NAB1: variants seen among roughly 807,000 people sequenced by gnomAD.
NAB1 encodes NGFI-A binding protein 1.
A neutral mutation model predicts 49.9 loss-of-function variants in NAB1; 25 were observed. The ratio of observed to expected loss-of-function variants is 0.50; its 90% confidence interval spans 0.37 to 0.70. The LOEUF is 0.70. NAB1 is among the 30% of genes least tolerant of loss of function. The probability of loss-of-function intolerance (pLI) is 0.00; values close to 1 mark genes in which losing one functional copy is unlikely to be tolerated. For synonymous variants in NAB1, 198 were observed against 215.6 expected (o/e 0.92, Z 0.71); for missense variants, 489 against 575.9 (o/e 0.85, Z 1.54).
Position 190,679,944 on chromosome 2 carries a change from T to A in NAB1, c.1006-3794T>A, listed in dbSNP as rs1695250963. Among the ~76,000 whole-genome samples, 1 of 152,146 alleles carries A rather than the reference T, an allele frequency of 6.6e-6. No individual in the cohort carries two copies. Among genetic ancestry groups the A allele is most frequent in the Admixed American group, 6.5e-5 (1 of 15,278 alleles). ...CCTGGCTTATCTACACACGGAGGTC[T>A]CACTAGCAAATGAGCTCAACCGAAT... On this transcript the variant is annotated intron_variant, in intron 6 of 9. Coordinates refer to ENST00000337386, the MANE Select transcript of NAB1 (RefSeq NM_005966.4). The surrounding 1 kb of genome is among the most constrained non-coding windows in gnomAD (Gnocchi z 5.3).
In NAB1 at chr2:190,690,351, G is replaced by A. The variant is rs373333568; in HGVS notation, c.*18G>A. 219 of 1,560,238 alleles carry A rather than the reference G, an allele frequency of 1.4e-4. No individual in the cohort carries two copies. The highest frequency in any genetic ancestry group is 1.1e-3 in the South Asian group (101 of 89,872). On this transcript the variant is annotated 3_prime_UTR_variant, in exon 10 of 10. Coordinates refer to ENST00000337386, the MANE Select transcript of NAB1 (RefSeq NM_005966.4). ...CAAGATAGCTGTGATTTCTCTCACCGTTCTCTGGAAATGGCATCAGATTTA... is the reference window on the plus strand; with the variant it reads ...CAAGATAGCTGTGATTTCTCTCACCATTCTCTGGAAATGGCATCAGATTTA...
At chr2:190,662,801 T>C (rs1186576189) in intron 4 of NAB1, among the ~76,000 whole-genome samples, 1 of 152,112 alleles carries the variant, frequency 6.6e-6, no homozygotes, top group Non-Finnish European at 1.5e-5. Context: ...CAAAGAGCTC[T>C]AGAAAGATAG....
intron 4 of NAB1, among the ~76,000 whole-genome samples, chr2:190,664,902 A>G (rs1057091386): frequency 6.6e-6 from 1 of 151,942 alleles, no homozygotes; most frequent in Non-Finnish European, 1.5e-5. Context: ...TATGACTAAT[A>G]TTTTGGATTT....
At position 190,689,028 on chromosome 2, in the gene NAB1, C is replaced by T. The variant is rs1438292558; in HGVS notation, c.1376-1217C>T. On this transcript the variant is annotated intron_variant, in intron 9 of 9. Coordinates refer to ENST00000337386, the MANE Select transcript of NAB1 (RefSeq NM_005966.4). The surrounding 1 kb of genome is among the most constrained non-coding windows in gnomAD (Gnocchi z 4.3). ...TAATTTTTTGTATTTTTAGTAGAGA[C>T]GGGGTTTTACCGTGGTCTCAATCTC... Among the ~76,000 whole-genome samples the T allele has an allele frequency of 2.6e-5, 4 of 151,970 alleles. No individual in the cohort carries two copies. The highest frequency in any genetic ancestry group is 7.3e-5 in the African/African-American group (3 of 41,354).
chr2:190,661,735 A>G (rs554107987), intron 4 of NAB1, among the ~76,000 whole-genome samples: 4 of 152,328 alleles, frequency 2.6e-5, no homozygotes, highest in Non-Finnish European at 5.9e-5. Flanking sequence ...GAATGCCAGT[A>G]GGCTGAAATG....
rs1242662310 is a variant in NAB1 at position 190,649,259 on chromosome 2, C to T, written c.-435C>T. On this transcript the variant is annotated 5_prime_UTR_variant, in exon 1 of 10. Coordinates refer to ENST00000337386, the MANE Select transcript of NAB1 (RefSeq NM_005966.4). This position sits in a 1 kb window ranked among gnomAD's most constrained non-coding sequence, Gnocchi z 6.1. ...GATGGGAGCGGGGGCGTCCCGGCTCCTGCAGCCGCCAGAGGAGGGAGAGCC... is the reference window on the plus strand; with the variant it reads ...GATGGGAGCGGGGGCGTCCCGGCTCTTGCAGCCGCCAGAGGAGGGAGAGCC... 6.6e-6 allele frequency: 1 copy of T among 152,022 alleles called. No homozygotes were observed. The highest frequency in any genetic ancestry group is 2.4e-5 in the African/African-American group (1 of 41,406). 9.4% of individuals were successfully genotyped at this position (152,022 alleles called of 1,614,324 possible).
chr2:190,685,124 G>A lies in NAB1; in HGVS notation c.1096-352G>A, dbSNP rs1695543239. On this transcript the variant is annotated intron_variant, in intron 7 of 9. Transcript: ENST00000337386. The surrounding 1 kb of genome is among the most constrained non-coding windows in gnomAD (Gnocchi z 4.5). ...GATTTCGCCCCAAGTGTTAGAAGTA[G>A]TTTATAGCAGATGTTGCTGTTGCTT... 6.6e-6 allele frequency among the ~76,000 whole-genome samples: 1 copy of A among 152,154 alleles called. No individual in the cohort carries two copies. Among genetic ancestry groups the A allele is most frequent in the African/African-American group, 2.4e-5 (1 of 41,430 alleles).
At position 190,660,008 on chromosome 2, in the gene NAB1, C is replaced by G. The variant is rs375143739; in HGVS notation, c.819+13C>G. On this transcript the variant is annotated intron_variant, in intron 4 of 9. Transcript: ENST00000337386. ...CACACTTCATGAGGTACAAAGCCCG[C>G]GTTGTTCCTTCTGTGTGTGTATGTG... The G allele has an allele frequency of 1.3e-6, 2 of 1,597,874 alleles. No homozygotes were observed. Among genetic ancestry groups the G allele is most frequent in the Non-Finnish European group, 1.7e-6 (2 of 1,168,090 alleles).
Position 190,659,009 on chromosome 2 carries a change from A to G in NAB1, c.-19-149A>G. The G allele has an allele frequency of 1.7e-6, 1 of 583,206 alleles. No individual in the cohort carries two copies. The highest frequency in any genetic ancestry group is 3.0e-6 in the Non-Finnish European group (1 of 334,360). 36.1% of individuals were successfully genotyped at this position (583,206 alleles called of 1,614,324 possible). ...GGTTTTTAGGAGTTCAGAATGAGAT[A>G]AAGTATGTAGAGAGAATGCTGCCTT... On this transcript the variant is annotated intron_variant, in intron 3 of 9. Coordinates refer to ENST00000337386, the MANE Select transcript of NAB1 (RefSeq NM_005966.4). This position sits in a 1 kb window ranked among gnomAD's most constrained non-coding sequence, Gnocchi z 6.2.
At position 190,691,200 on chromosome 2, in the gene NAB1, A is replaced by G. The variant is rs1467004160; in HGVS notation, c.*867A>G. On this transcript the variant is annotated 3_prime_UTR_variant, in exon 10 of 10. Transcript: ENST00000337386. This position sits in a 1 kb window ranked among gnomAD's most constrained non-coding sequence, Gnocchi z 4.1. ...GTGTTAAATAGATTAAGACACAGTA[A>G]GTTAACCCTACATGTTATAAAGATG... 6.6e-6 allele frequency: 1 copy of G among 152,584 alleles called. No individual in the cohort carries two copies. The highest frequency in any genetic ancestry group is 2.4e-5 in the African/African-American group (1 of 41,458). 9.5% of individuals were successfully genotyped at this position (152,584 alleles called of 1,614,324 possible).
rs549230109 is a variant in NAB1 at position 190,675,317 on chromosome 2, A to C, written c.1005+2165A>C. Among the ~76,000 whole-genome samples, 1 of 152,254 alleles carries C rather than the reference A, an allele frequency of 6.6e-6. No individual in the cohort carries two copies. The highest frequency in any genetic ancestry group is 2.4e-5 in the African/African-American group (1 of 41,542). On this transcript the variant is annotated intron_variant, in intron 6 of 9. Coordinates refer to ENST00000337386, the MANE Select transcript of NAB1 (RefSeq NM_005966.4). This position sits in a 1 kb window ranked among gnomAD's most constrained non-coding sequence, Gnocchi z 5.2. ...AGCTTTAGAGGTCACTAAATATTGA[A>C]ATTTGTGATCATGAATCTCATGGAC... is the stretch of plus-strand genomic sequence containing the variant.
intron 6 of NAB1, 88 bp downstream of exon 6, chr2:190,673,240 A>G: frequency 8.0e-7 from 1 of 1,243,026 alleles, no homozygotes; most frequent in Non-Finnish European, 1.2e-6. Context: ...CAGACAAAAA[A>G]GATGGTCCCA....
rs976196302 is a variant in NAB1 at position 190,669,431 on chromosome 2, T to C, written c.820-895T>C. 1.3e-5 allele frequency among the ~76,000 whole-genome samples: 2 copies of C among 152,164 alleles called. No homozygotes were observed. Among genetic ancestry groups the C allele is most frequent in the Non-Finnish European group, 2.9e-5 (2 of 68,018 alleles). On this transcript the variant is annotated intron_variant, in intron 4 of 9. Transcript: ENST00000337386. The surrounding 1 kb of genome is among the most constrained non-coding windows in gnomAD (Gnocchi z 4.3). ...TATTATCCCATTTTGCCTCTCAGAA[T>C]ACCAAGTACCAAGCCTCTCAAAAGT...
rs530432872 is a variant in NAB1, at chr2:190,679,248, A to G, written c.1006-4490A>G. Among the ~76,000 whole-genome samples, 1 of 152,332 alleles carries G rather than the reference A, an allele frequency of 6.6e-6. No homozygotes were observed. Among genetic ancestry groups the G allele is most frequent in the East Asian group, 1.9e-4 (1 of 5,192 alleles). ...ATGTTCTTACTTTTATTTCTAAGTC[A>G]TATATTTTGGGGACCTTAAATCTAC... On this transcript the variant is annotated intron_variant, in intron 6 of 9. Transcript: ENST00000337386. This position sits in a 1 kb window ranked among gnomAD's most constrained non-coding sequence, Gnocchi z 5.3.
At chr2:190,650,346 C>G (rs773148501) in intron 2 of NAB1, among the ~76,000 whole-genome samples, 4 of 152,144 alleles carry the variant, frequency 2.6e-5, no homozygotes, top group Non-Finnish European at 5.9e-5. Flanking sequence ...TCTGCCAACT[C>G]AAAGAGTGCA....
chr2:190,689,982 G>A lies in NAB1; in HGVS notation c.1376-263G>A, dbSNP rs1695834557. ...AAATGAAGACATTAAGGCTTAGAGA[G>A]GTGTATAACTTGCCCAGAGATGTAT... is the stretch of plus-strand genomic sequence containing the variant. On this transcript the variant is annotated intron_variant, in intron 9 of 9. Transcript: ENST00000337386. This position sits in a 1 kb window ranked among gnomAD's most constrained non-coding sequence, Gnocchi z 4.3. Among the ~76,000 whole-genome samples, 1 of 13,134 alleles carries A rather than the reference G, an allele frequency of 7.6e-5. No homozygotes were observed. Among genetic ancestry groups the A allele is most frequent in the Non-Finnish European group, 2.7e-4 (1 of 3,708 alleles). The allele number at this position is 13,134 out of a possible 152,430, so 8.6% of individuals were successfully genotyped here.
chr2:190,690,231 C>A lies in NAB1; in HGVS notation c.1376-14C>A, dbSNP rs775069381. 1.3e-6 allele frequency: 2 copies of A among 1,577,886 alleles called. No homozygotes were observed. Among genetic ancestry groups the A allele is most frequent in the East Asian group, 2.2e-5 (1 of 44,586 alleles). ...ATTAAAATATCAACTCACTTTGTTTCCATTTTTATGTAGAGAGCCTTGGGA... is the reference window on the plus strand; with the variant it reads ...ATTAAAATATCAACTCACTTTGTTTACATTTTTATGTAGAGAGCCTTGGGA... On this transcript the variant is annotated splice_polypyrimidine_tract_variant and intron_variant, in intron 9 of 9. Transcript: ENST00000337386.
intron 5 of NAB1, among the ~76,000 whole-genome samples, chr2:190,671,151 C>G (rs1694784093): frequency 6.6e-6 from 1 of 152,212 alleles, no homozygotes; most frequent in South Asian, 2.1e-4. Context: ...GCCACTGTTT[C>G]TCTGGATGCA....
At position 190,669,399 on chromosome 2, in the gene NAB1, A is replaced by G. The variant is rs1237986046; in HGVS notation, c.820-927A>G. ...CTACATCTTGTTAGAGCCTTTTGGG[A>G]TAGTGATATTATCCCATTTTGCCTC... On this transcript the variant is annotated intron_variant, in intron 4 of 9. Coordinates refer to ENST00000337386, the MANE Select transcript of NAB1 (RefSeq NM_005966.4). The surrounding 1 kb of genome is among the most constrained non-coding windows in gnomAD (Gnocchi z 4.3). 6.6e-6 allele frequency among the ~76,000 whole-genome samples: 1 copy of G among 152,104 alleles called. No homozygotes were observed. The highest frequency in any genetic ancestry group is 1.5e-5 in the Non-Finnish European group (1 of 68,000).
Sources: allele counts gnomAD v4.1 joint callset (sites outside exome capture counted in the v4.1 genomes callset), GRCh38; gene constraint gnomAD v4.1.1; non-coding constraint Gnocchi (gnomAD v3.1); transcripts MANE v1.5; gene names NCBI Gene and HGNC (gene_info 2026-07-23, HGNC 2026-07-21).